Variants in PLVAP observed in about 807,000 individuals in gnomAD.
The protein encoded by PLVAP is plasmalemma vesicle-associated protein.
A neutral mutation model predicts 43.1 loss-of-function variants in PLVAP; 34 were observed. The observed-to-expected ratio is 0.79, with a 90% CI of 0.60 to 1.05. The LOEUF (loss-of-function observed/expected upper bound fraction) is 1.05. Ranked by LOEUF, PLVAP falls within the 50% of genes least tolerant of loss-of-function variation. PLVAP has a pLI of 0.00. For synonymous variants in PLVAP, 241 were observed against 237.3 expected, an observed-to-expected ratio of 1.02 and a Z score of -0.14; for missense variants, 574 against 593.4, an observed-to-expected ratio of 0.97 and a Z score of 0.34.
intron 1 of PLVAP, among the ~76,000 whole-genome samples, chr19:17,375,935 C>T (rs1197427657): frequency 6.7e-6 from 1 of 149,294 alleles, no homozygotes; most frequent in Non-Finnish European, 1.5e-5. Context: ...AATCTCAGCA[C>T]TTTGGGAGGT....
intron 5 of PLVAP, among the ~76,000 whole-genome samples, chr19:17,354,537 C>T (rs1304891280): frequency 7.0e-6 from 1 of 142,406 alleles, no homozygotes; most frequent in Admixed American, 7.5e-5. Flanking sequence ...GCAGAGGTTA[C>T]AGTGAGCCGA....
chr19:17,366,200 C>T lies in PLVAP; in HGVS notation c.370-5G>A, dbSNP rs1245192359. On this transcript the variant is annotated splice_region_variant and splice_polypyrimidine_tract_variant and intron_variant, in intron 1 of 5. Transcript: ENST00000252590. ...CTGATTGTTCGTGTAGATGACCTGCCCGGAAGATAGGGGAAGGACGCAGGA... is the reference window on the plus strand; with the variant it reads ...CTGATTGTTCGTGTAGATGACCTGCTCGGAAGATAGGGGAAGGACGCAGGA... 6.2e-7 allele frequency: 1 copy of T among 1,613,528 alleles called. No homozygotes were observed. Among genetic ancestry groups the T allele is most frequent in the South Asian group, 1.1e-5 (1 of 91,034 alleles).
intron 5 of PLVAP, among the ~76,000 whole-genome samples, chr19:17,356,264 T>C (rs1047858236): frequency 6.6e-6 from 1 of 152,014 alleles, no homozygotes; most frequent in Admixed American, 6.6e-5. Flanking sequence ...GAGCAGAGAT[T>C]GCGCCACTGC....
chr19:17,377,253 A>G lies in PLVAP; in HGVS notation c.36T>C (p.Ala12=), dbSNP rs775336763. ...AGCCCCGAGAGCTGCCCCCCGCCCGAGCGTAGGACCCTCCGTGCTCCATGG... is the reference window on the plus strand; with the variant it reads ...AGCCCCGAGAGCTGCCCCCCGCCCGGGCGTAGGACCCTCCGTGCTCCATGG... The part of the protein sequence containing the change: ...GLAMEHGGSY[A]RAGGSSRGCW... Residue 12 remains alanine, a synonymous_variant, in exon 1 of 6, where the codon GCT becomes GCC. Transcript: ENST00000252590. The G allele has an allele frequency of 1.2e-6, 2 of 1,613,492 alleles. No homozygotes were observed. The highest frequency in any genetic ancestry group is 1.7e-5 in the Admixed American group (1 of 59,934).
At chr19:17,360,249 C>T (rs2074522730) in intron 5 of PLVAP, among the ~76,000 whole-genome samples, 1 of 152,282 alleles carries the variant, frequency 6.6e-6, no homozygotes, top group East Asian at 1.9e-4. Context: ...CTTAGAACTG[C>T]GTGGGGCTCC....
intron 1 of PLVAP, among the ~76,000 whole-genome samples, chr19:17,374,490 C>G (rs1217391071): frequency 2.6e-5 from 4 of 152,222 alleles, no homozygotes; most frequent in Middle Eastern, 3.4e-3. Flanking sequence ...ACAAAAGCTT[C>G]TCCCTACTTC....
At chr19:17,374,654 CT>C (rs1004555561) in intron 1 of PLVAP, among the ~76,000 whole-genome samples, 3 of 151,464 alleles carry the variant, frequency 2.0e-5, no homozygotes, top group African/African-American at 7.3e-5. Flanking sequence ...CATTCAGGGT[CT>C]CACTCAGTCG....
chr19:17,368,439 TGA>T (rs2074558959), intron 1 of PLVAP, among the ~76,000 whole-genome samples: 14 of 151,286 alleles, frequency 9.3e-5, no homozygotes, highest in African/African-American at 3.4e-4. Context: ...TTCAAACTCC[TGA>T]CCTCAGGTGA....
chr19:17,370,670 G>A (rs1042706354), intron 1 of PLVAP, among the ~76,000 whole-genome samples: 2 of 152,132 alleles, frequency 1.3e-5, no homozygotes, highest in Non-Finnish European at 1.5e-5. Flanking sequence ...TGATGGGGAC[G>A]TGGGTTTTCT....
intron 1 of PLVAP, among the ~76,000 whole-genome samples, chr19:17,375,280 G>T (rs933472403): frequency 6.6e-6 from 1 of 152,092 alleles, no homozygotes; most frequent in African/African-American, 2.4e-5. Context: ...TTTGCAGCTT[G>T]TGTGTGCTGG....
chr19:17,376,827 C>G, intron 1 of PLVAP, 93 bp downstream of exon 1: 3 of 1,223,092 alleles, frequency 2.5e-6, no homozygotes, highest in Non-Finnish European at 3.4e-6. Context: ...GTCCTGTGAT[C>G]GTCCCCCTCT....
Position 17,366,016 on chromosome 19 carries a change from A to T in PLVAP, c.467-18T>A. The T allele has an allele frequency of 6.2e-7, 1 of 1,611,664 alleles. No individual in the cohort carries two copies. The highest frequency in any genetic ancestry group is 8.5e-7 in the Non-Finnish European group (1 of 1,178,170). On this transcript the variant is annotated intron_variant, in intron 2 of 5. Coordinates refer to ENST00000252590, the MANE Select transcript of PLVAP (RefSeq NM_031310.3). The stretch of plus-strand genomic sequence containing the variant: ...GAGCAAGGCTAAGGAAAACAGGACC[A>T]GGAGACCCAGGAAGATTGGGGGCTG...
At chr19:17,357,970 T>C (rs2145718914) in intron 5 of PLVAP, among the ~76,000 whole-genome samples, 1 of 152,344 alleles carries the variant, frequency 6.6e-6, no homozygotes, top group East Asian at 1.9e-4. Context: ...GGCCTGGCCC[T>C]GATTCTCCAC....
intron 5 of PLVAP, 65 bp downstream of exon 5, chr19:17,360,463 A>G: frequency 6.6e-7 from 1 of 1,514,358 alleles, no homozygotes; most frequent in Non-Finnish European, 9.2e-7. Context: ...CTCCACCCTC[A>G]GTCCTGGTCC....
At chr19:17,353,446 A>G (rs757101967) in intron 5 of PLVAP, among the ~76,000 whole-genome samples, 1 of 152,154 alleles carries the variant, frequency 6.6e-6, no homozygotes, top group Non-Finnish European at 1.5e-5. Context: ...CACAGCAGCC[A>G]CAGGCAGGGC....
chr19:17,376,763 A>T (rs2074596744), intron 1 of PLVAP, among the ~76,000 whole-genome samples, 157 bp downstream of exon 1: 1 of 152,110 alleles, frequency 6.6e-6, no homozygotes, highest in East Asian at 1.9e-4. Flanking sequence ...GCACCACTGC[A>T]CTCCAGCCTG....
chr19:17,367,315 A>G (rs549468496), intron 1 of PLVAP, among the ~76,000 whole-genome samples: 55 of 151,980 alleles, frequency 3.6e-4, no homozygotes, highest in African/African-American at 1.3e-3. Context: ...CCTGGGTTCC[A>G]GTGATTCTCC....
At chr19:17,369,668 TAAATA>T (rs2074564212) in intron 1 of PLVAP, among the ~76,000 whole-genome samples, 1 of 147,840 alleles carries the variant, frequency 6.8e-6, no homozygotes, top group Non-Finnish European at 1.5e-5. Context: ...AAAATTAAAT[TAAATA>T]AGATATGCAA....
intron 5 of PLVAP, among the ~76,000 whole-genome samples, chr19:17,359,993 A>T (rs2074521760): frequency 6.6e-6 from 1 of 151,644 alleles, no homozygotes; most frequent in South Asian, 2.1e-4. Flanking sequence ...GCTGCCTAGA[A>T]CACTGTTCCC....
Sources: gnomAD v4.1 joint callset for allele counts (sites outside exome capture counted in the v4.1 genomes callset) on GRCh38, gnomAD v4.1.1 for gene constraint, MANE v1.5 for transcripts, NCBI Gene and HGNC (gene_info 2026-07-23, HGNC 2026-07-21) for gene names.